The following DOK6 variants were observed in gnomAD, a reference collection of about 807,000 sequenced individuals.
DOK6 encodes the protein downstream of tyrosine kinase 6.
DOK6 carries 22 observed loss-of-function variants against 44.0 expected under a neutral mutation model. The ratio of observed to expected loss-of-function variants is 0.50; its 90% CI spans 0.36 to 0.71. DOK6 has a LOEUF of 0.71. Ranked by LOEUF, DOK6 falls within the 30% of genes least tolerant of loss-of-function variation. The pLI is 0.00. For synonymous variants in DOK6, 166 were observed against 145.5 expected (o/e 1.14, Z -1.01); for missense variants, 340 against 416.4 (o/e 0.82, Z 1.60).
chr18:69,748,896 G>A (rs1051031378), intron 6 of DOK6, among the ~76,000 whole-genome samples: 2 of 152,072 alleles, frequency 1.3e-5, no homozygotes, highest in Admixed American at 6.6e-5. Context: ...CAAATACATG[G>A]AATCAACCCA....
intron 1 of DOK6, among the ~76,000 whole-genome samples, chr18:69,417,092 A>G (rs958279636): frequency 1.3e-5 from 2 of 151,910 alleles, no homozygotes; most frequent in African/African-American, 4.8e-5. Flanking sequence ...ATTCAACTCT[A>G]CTCTTCTAGT....
chr18:69,758,602 AACTG>A (rs1272146470), intron 7 of DOK6, among the ~76,000 whole-genome samples: 2 of 152,228 alleles, frequency 1.3e-5, no homozygotes, highest in Non-Finnish European at 2.9e-5. Context: ...GGCTACAAGC[AACTG>A]ACTAACAGCT....
At chr18:69,704,564 C>T (rs6566439) in intron 5 of DOK6, among the ~76,000 whole-genome samples, 97,899 of 149,498 alleles carry the variant, frequency 0.65, 32,662 homozygotes, top group East Asian at 0.89. Context: ...CTGCAAGCTC[C>T]GCCTCCTGGG....
chr18:69,813,560 G>A (rs1216103322), intron 7 of DOK6, among the ~76,000 whole-genome samples: 1 of 152,018 alleles, frequency 6.6e-6, no homozygotes, highest in Non-Finnish European at 1.5e-5. Context: ...AACCTTGATG[G>A]GCATTTTCTT....
chr18:69,673,942 T>C (rs944596342), intron 3 of DOK6, among the ~76,000 whole-genome samples: 6 of 152,174 alleles, frequency 3.9e-5, no homozygotes, highest in Non-Finnish European at 8.8e-5. Flanking sequence ...GTTTGAAAGA[T>C]AAAGCAAATT....
intron 2 of DOK6, among the ~76,000 whole-genome samples, chr18:69,591,868 T>G (rs886172631): frequency 6.6e-6 from 1 of 152,076 alleles, no homozygotes; most frequent in African/African-American, 2.4e-5. Context: ...ATAGGTTAGT[T>G]GACAAGTTCA....
rs34142470 is a variant in DOK6, at chr18:69,733,191, GAA to G, written c.600-5763_600-5762del. On this transcript the variant is annotated intron_variant, in intron 5 of 7. Coordinates refer to ENST00000382713, the MANE Select transcript of DOK6 (RefSeq NM_152721.6). ...TGATAGAGTGAGACCTTGTCTCTAT[GAA>G]AAAAAAAAAATTCATTTAATTTACA... 7.4e-4 allele frequency among the ~76,000 whole-genome samples: 109 copies of G among 146,850 alleles called. 1 individual carries two copies. The highest frequency in any genetic ancestry group is 3.5e-3 in the Middle Eastern group (1 of 288).
chr18:69,627,660 A>T (rs529796859), intron 3 of DOK6, among the ~76,000 whole-genome samples: 65 of 152,158 alleles, frequency 4.3e-4, no homozygotes, highest in African/African-American at 1.3e-3. Context: ...CGTGTTAGCC[A>T]GGATGGTCTC....
chr18:69,475,122 C>A (rs1359203443), intron 1 of DOK6, among the ~76,000 whole-genome samples: 1 of 151,976 alleles, frequency 6.6e-6, no homozygotes, highest in East Asian at 1.9e-4. Flanking sequence ...TAATAAATAC[C>A]AGTTATATAT....
chr18:69,824,758 C>A (rs2145127316), intron 7 of DOK6, among the ~76,000 whole-genome samples: 1 of 152,254 alleles, frequency 6.6e-6, no homozygotes, highest in South Asian at 2.1e-4. Flanking sequence ...AATGAACACC[C>A]AAATGGTATT....
intron 1 of DOK6, among the ~76,000 whole-genome samples, chr18:69,507,570 A>G (rs1398001961): frequency 1.3e-5 from 2 of 152,080 alleles, no homozygotes; most frequent in African/African-American, 4.8e-5. Flanking sequence ...TCTTTCATCA[A>G]CATTTTATAG....
At chr18:69,510,091 A>G (rs1187835231) in intron 1 of DOK6, among the ~76,000 whole-genome samples, 1 of 152,200 alleles carries the variant, frequency 6.6e-6, no homozygotes, top group Non-Finnish European at 1.5e-5. Context: ...CTAATGCTCT[A>G]ATTTGTGTTT....
At chr18:69,606,990 T>C (rs78298788) in intron 3 of DOK6, among the ~76,000 whole-genome samples, 1,637 of 152,304 alleles carry the variant, frequency 0.011, 21 homozygotes, top group African/African-American at 0.037. Flanking sequence ...TATGTGTTAC[T>C]CTTTCATGGA....
intron 2 of DOK6, among the ~76,000 whole-genome samples, chr18:69,581,714 G>A (rs998726987): frequency 6.6e-6 from 1 of 152,186 alleles, no homozygotes; most frequent in Non-Finnish European, 1.5e-5. Context: ...GACTGAAAAA[G>A]CAGAATGATC....
intron 7 of DOK6, among the ~76,000 whole-genome samples, chr18:69,833,690 T>C (rs1389196132): frequency 6.6e-6 from 1 of 151,944 alleles, no homozygotes; most frequent in South Asian, 2.1e-4. Context: ...CCAGAATATA[T>C]AAATAACTCA....
chr18:69,470,772 G>T (rs191301118), intron 1 of DOK6, among the ~76,000 whole-genome samples: 1 of 152,140 alleles, frequency 6.6e-6, no homozygotes, highest in Non-Finnish European at 1.5e-5. Context: ...GCTGGTAAAC[G>T]AGCAGAAAAC....
intron 1 of DOK6, among the ~76,000 whole-genome samples, chr18:69,491,401 A>G (rs940919852): frequency 1.3e-5 from 2 of 152,212 alleles, no homozygotes; most frequent in African/African-American, 4.8e-5. Context: ...TTCTGATATA[A>G]TAAATACATG....
intron 5 of DOK6, among the ~76,000 whole-genome samples, chr18:69,712,089 G>A (rs12966928): frequency 0.063 from 9,378 of 150,040 alleles, 374 homozygotes; most frequent in African/African-American, 0.11. Context: ...AGACCATCCC[G>A]GCTAAAACGG....
chr18:69,545,376 G>A (rs1982376036), intron 1 of DOK6, among the ~76,000 whole-genome samples: 1 of 150,316 alleles, frequency 6.7e-6, no homozygotes, highest in African/African-American at 2.4e-5. Flanking sequence ...GTTTCACACT[G>A]TTGACCTAAA....
Sources: allele counts gnomAD v4.1 joint callset (sites outside exome capture counted in the v4.1 genomes callset), GRCh38; gene constraint gnomAD v4.1.1; transcripts MANE v1.5; gene names NCBI Gene and HGNC (gene_info 2026-07-23, HGNC 2026-07-21).